The following IMPACT variants were observed in gnomAD, a reference collection of about 807,000 sequenced individuals.
IMPACT encodes protein IMPACT.
IMPACT carries 35 observed loss-of-function variants against 47.5 expected under a neutral mutation model. The observed-to-expected ratio is 0.74, with a 90% confidence interval of 0.56 to 0.98. IMPACT has a LOEUF of 0.98. Ranked by LOEUF, IMPACT falls within the 50% of genes least tolerant of loss-of-function variation. The pLI is 0.00. For missense variants in IMPACT, 373 were observed against 394.8 expected, an observed-to-expected ratio of 0.94 and a Z score of 0.47; for synonymous variants, 118 against 125.6, an observed-to-expected ratio of 0.94 and a Z score of 0.40.
chr18:24,450,105 GTGTC>G, intron 10 of IMPACT, 152 bp downstream of exon 10: 1 of 770,766 alleles, frequency 1.3e-6, no homozygotes, highest in Non-Finnish European at 2.1e-6. Context: ...TCTAAACAGT[GTGTC>G]TGGCCAGTCA....
At chr18:24,446,732 C>CT in intron 8 of IMPACT, among the ~76,000 whole-genome samples, 1 of 152,280 alleles carries the variant, frequency 6.6e-6, no homozygotes. Flanking sequence ...TAATTCCCCT[C>CT]TTAATAGAGT....
intron 4 of IMPACT, among the ~76,000 whole-genome samples, chr18:24,432,569 G>T (rs1908784253): frequency 6.6e-6 from 1 of 152,062 alleles, no homozygotes; most frequent in Non-Finnish European, 1.5e-5. Flanking sequence ...CGTCATCCTT[G>T]GCGGAAGTAT....
At chr18:24,434,717 C>A (rs1027297161) in intron 4 of IMPACT, among the ~76,000 whole-genome samples, 1 of 144,128 alleles carries the variant, frequency 6.9e-6, no homozygotes, top group African/African-American at 2.6e-5. Flanking sequence ...GAGCTGAGAT[C>A]GTGCCATTGC....
At chr18:24,441,339 C>A (rs1282818454) in intron 6 of IMPACT, among the ~76,000 whole-genome samples, 2 of 152,184 alleles carry the variant, frequency 1.3e-5, no homozygotes, top group Non-Finnish European at 2.9e-5. Context: ...ATTACTGGCA[C>A]ATGCCACCAT....
chr18:24,426,887 C>T (rs1908622361), intron 1 of IMPACT, 95 bp downstream of exon 1: 17 of 902,214 alleles, frequency 1.9e-5, no homozygotes, highest in Non-Finnish European at 2.5e-5. Context: ...CGCCTGGGGC[C>T]GCCCCGGGTT....
At chr18:24,436,575 G>T (rs1424576776) in intron 4 of IMPACT, among the ~76,000 whole-genome samples, 2 of 151,262 alleles carry the variant, frequency 1.3e-5, no homozygotes, top group African/African-American at 4.9e-5. Context: ...TTGAGAAGGG[G>T]TCTTTTTCTG....
At position 24,451,628 on chromosome 18, in the gene IMPACT, CA is replaced by C. The variant is rs746037963; in HGVS notation, c.*783del. ...GGTGTAACATTCTCGTTTCTTTTAA[CA>C]ACCTGGAAGTACCTTTCTTGTGATC... On this transcript the variant is annotated 3_prime_UTR_variant, in exon 11 of 11. Coordinates refer to ENST00000284202, the MANE Select transcript of IMPACT (RefSeq NM_018439.4). 6.6e-6 allele frequency: 1 copy of C among 152,162 alleles called. No individual in the cohort carries two copies. The highest frequency in any genetic ancestry group is 1.5e-5 in the Non-Finnish European group (1 of 68,034). 9.4% of individuals were successfully genotyped at this position (152,162 alleles called of 1,614,324 possible). A position where few individuals can be genotyped will look rare whatever the true frequency, so the allele number is the denominator to read the frequency against.
In IMPACT at chr18:24,441,373, A is replaced by G. The variant is rs548847440; in HGVS notation, c.490+755A>G. On this transcript the variant is annotated intron_variant, in intron 6 of 10. Transcript: ENST00000284202. ...ATGCCTGTCTAATTTTTGTATTTTT[A>G]GTAGAGATTGGGTTTCGCCATGTTG... 2.0e-5 allele frequency among the ~76,000 whole-genome samples: 3 copies of G among 152,266 alleles called. 1 individual carries two copies. The highest frequency in any genetic ancestry group is 7.2e-5 in the African/African-American group (3 of 41,564).
rs774182637 is a variant in IMPACT, at chr18:24,440,487, T to G, written c.368-9T>G. The G allele has an allele frequency of 1.9e-6, 3 of 1,611,042 alleles. No homozygotes were observed. Among genetic ancestry groups the G allele is most frequent in the African/African-American group, 2.7e-5 (2 of 74,722 alleles). On this transcript the variant is annotated splice_polypyrimidine_tract_variant and intron_variant, in intron 5 of 10. Coordinates refer to ENST00000284202, the MANE Select transcript of IMPACT (RefSeq NM_018439.4). ...CGTCATAAAGTAATTGTGTCTCATA[T>G]TCACATAGGCCCAGATGTAAAGAAG...
intron 3 of IMPACT, among the ~76,000 whole-genome samples, chr18:24,429,897 C>A (rs1224108264): frequency 1.3e-5 from 2 of 151,950 alleles, no homozygotes; most frequent in Non-Finnish European, 2.9e-5. Context: ...CCTGCCTCAG[C>A]CTCCCAAATA....
At chr18:24,439,268 C>T (rs1909029604) in intron 5 of IMPACT, among the ~76,000 whole-genome samples, 4 of 152,120 alleles carry the variant, frequency 2.6e-5, no homozygotes. Flanking sequence ...CAGTGGCTTG[C>T]ACCTATAATC....
Position 24,448,830 on chromosome 18 carries a change from C to G in IMPACT, c.759+647C>G, listed in dbSNP as rs189286387. Among the ~76,000 whole-genome samples, 8 of 151,964 alleles carry G rather than the reference C, an allele frequency of 5.3e-5. No homozygotes were observed. The East Asian group carries it at 1.5e-3, about 29-fold the overall frequency. ...TCCTGGTCCATTTTTGTTTGTTTAT[C>G]TTGTCCTTTCTCTTTCATGCTGCTG... On this transcript the variant is annotated intron_variant, in intron 9 of 10. Coordinates refer to ENST00000284202, the MANE Select transcript of IMPACT (RefSeq NM_018439.4).
Position 24,451,553 on chromosome 18 carries a change from A to G in IMPACT, c.*706A>G, listed in dbSNP as rs1909386718. On this transcript the variant is annotated 3_prime_UTR_variant, in exon 11 of 11. Coordinates refer to ENST00000284202, the MANE Select transcript of IMPACT (RefSeq NM_018439.4). ...TTTTTTGTTTAATTCTTGTAATGTA[A>G]GCAATAAATATGGAGTGTCAGTAGT... is the stretch of plus-strand genomic sequence containing the variant. 1 of 152,210 alleles carries G rather than the reference A, an allele frequency of 6.6e-6. No individual in the cohort carries two copies. The highest frequency in any genetic ancestry group is 6.5e-5 in the Admixed American group (1 of 15,274). 9.4% of individuals were successfully genotyped at this position (152,210 alleles called of 1,614,324 possible).
intron 8 of IMPACT, 70 bp downstream of exon 8, chr18:24,445,536 G>A: frequency 1.2e-6 from 1 of 851,186 alleles, no homozygotes; most frequent in Non-Finnish European, 1.8e-6. Context: ...CATGATTTTA[G>A]AAAATAATAA....
intron 4 of IMPACT, among the ~76,000 whole-genome samples, chr18:24,430,766 A>G (rs935743939): frequency 5.9e-5 from 9 of 152,186 alleles, no homozygotes; most frequent in Non-Finnish European, 2.9e-5. Flanking sequence ...GTTATTTGCT[A>G]AAAGGATCTT....
In IMPACT at chr18:24,438,122, G is replaced by A; in HGVS notation, c.367+82G>A. 5 of 664,930 alleles carry A rather than the reference G, an allele frequency of 7.5e-6. No homozygotes were observed. In the Admixed American group the frequency reaches 9.0e-5, roughly 12 times the overall value. 41.2% of individuals were successfully genotyped at this position (664,930 alleles called of 1,614,324 possible). ...GTAGATACTCTAGTTGAAATTTAAT[G>A]TGAAAATCTGTATTCTGGTTTATGG... On this transcript the variant is annotated intron_variant, in intron 5 of 10. Coordinates refer to ENST00000284202, the MANE Select transcript of IMPACT (RefSeq NM_018439.4).
At chr18:24,440,703 T>C in intron 6 of IMPACT, 85 bp downstream of exon 6, 1 of 1,227,964 alleles carries the variant, frequency 8.1e-7, no homozygotes, top group Non-Finnish European at 1.1e-6. Flanking sequence ...AGAAATTTAC[T>C]AATTTTCTCC....
chr18:24,437,768 G>A (rs995454479), intron 4 of IMPACT, among the ~76,000 whole-genome samples, 187 bp from the exon 5 acceptor site: 9 of 152,024 alleles, frequency 5.9e-5, no homozygotes, highest in African/African-American at 2.2e-4. Flanking sequence ...AATTTTTAAC[G>A]TTGCTATAAC....
At chr18:24,442,989 T>A (rs1278352876) in intron 6 of IMPACT, 60 bp from the exon 7 acceptor site, 5 of 873,482 alleles carry the variant, frequency 5.7e-6, no homozygotes, top group Non-Finnish European at 9.1e-6. Context: ...CCCCATTTCA[T>A]TTTTTTCAGT....
Sources: allele counts gnomAD v4.1 joint callset (sites outside exome capture counted in the v4.1 genomes callset), GRCh38; gene constraint gnomAD v4.1.1; transcripts MANE v1.5; gene names NCBI Gene and HGNC (gene_info 2026-07-23, HGNC 2026-07-21).